The following PALLD variants were observed in gnomAD, a reference collection of about 807,000 sequenced individuals.
The protein encoded by PALLD is palladin.
Under a neutral mutation model 123.5 loss-of-function variants are expected in PALLD, and 61 were observed. That is an observed-to-expected ratio of 0.49 (90% CI 0.40 to 0.61). The LOEUF (loss-of-function observed/expected upper bound fraction) is 0.61, where lower values mean the gene tolerates loss of function less well. PALLD is among the 20% of genes least tolerant of loss of function. The pLI is 0.00. For synonymous variants in PALLD, 465 were observed against 496.4 expected, an observed-to-expected ratio of 0.94 and a Z score of 0.84; for missense variants, 1,273 against 1,377.0, an observed-to-expected ratio of 0.92 and a Z score of 1.20.
At chr4:168,564,964 G>A (rs1768221391) in intron 2 of PALLD, among the ~76,000 whole-genome samples, 2 of 151,478 alleles carry the variant, frequency 1.3e-5, no homozygotes, top group Admixed American at 1.3e-4. Context: ...GGCCAAGGCA[G>A]GCAGGTTGCT....
At position 168,618,936 on chromosome 4, in the gene PALLD, A is replaced by C. The variant is rs117607722; in HGVS notation, c.909-49254A>C. 6.2e-3 allele frequency among the ~76,000 whole-genome samples: 937 copies of C among 152,318 alleles called. 45 individuals are homozygous for C. In the South Asian group the frequency reaches 0.11, roughly 18 times the overall value. ...CTCTGTAACACTTTCAGGCTTCTAGAAGGCAGTGATAATTTCTATCACACT... is the reference window on the plus strand; with the variant it reads ...CTCTGTAACACTTTCAGGCTTCTAGCAGGCAGTGATAATTTCTATCACACT... On this transcript the variant is annotated intron_variant, in intron 2 of 21. Transcript: ENST00000505667.
At chr4:168,682,069 C>T (rs996233901) in intron 4 of PALLD, among the ~76,000 whole-genome samples, 5 of 152,066 alleles carry the variant, frequency 3.3e-5, no homozygotes, top group Non-Finnish European at 7.4e-5. Flanking sequence ...TCTAATTAGG[C>T]CAGAAGTAGG....
intron 10 of PALLD, among the ~76,000 whole-genome samples, chr4:168,859,560 A>G (rs1409592569): frequency 6.6e-6 from 1 of 152,340 alleles, no homozygotes; most frequent in African/African-American, 2.4e-5. Context: ...AAAAAATTGG[A>G]GGACAACTTT....
At chr4:168,688,177 A>G (rs1424312103) in intron 6 of PALLD, among the ~76,000 whole-genome samples, 1 of 152,210 alleles carries the variant, frequency 6.6e-6, no homozygotes, top group Non-Finnish European at 1.5e-5. Context: ...AACTCAAACT[A>G]GCCTTTACTT....
intron 2 of PALLD, among the ~76,000 whole-genome samples, chr4:168,617,813 T>C (rs1774376787): frequency 6.6e-6 from 1 of 152,220 alleles, no homozygotes; most frequent in South Asian, 2.1e-4. Flanking sequence ...GCAAATATTA[T>C]GATGGTTATT....
At chr4:168,683,214 T>G in intron 5 of PALLD, 111 bp downstream of exon 5, 2 of 616,592 alleles carry the variant, frequency 3.2e-6, no homozygotes, top group Non-Finnish European at 5.8e-6. Flanking sequence ...AAATATTTTC[T>G]AAGTGGACAC....
At chr4:168,924,543 GA>G in intron 19 of PALLD, 123 bp downstream of exon 19, 1 of 1,012,322 alleles carries the variant, frequency 9.9e-7, no homozygotes, top group East Asian at 2.5e-5. Context: ...GATTTTTGAT[GA>G]AATCAATCAA....
chr4:168,737,732 C>T (rs750064702), intron 10 of PALLD, among the ~76,000 whole-genome samples: 5 of 152,088 alleles, frequency 3.3e-5, no homozygotes, highest in Non-Finnish European at 5.9e-5. Flanking sequence ...CTATGGTGAC[C>T]GTCTGTTAGT....
At chr4:168,754,132 T>C (rs932740644) in intron 10 of PALLD, among the ~76,000 whole-genome samples, 1 of 152,214 alleles carries the variant, frequency 6.6e-6, no homozygotes, top group Non-Finnish European at 1.5e-5. Context: ...CTTGTAGAAT[T>C]TGAAGAAGGT....
chr4:168,908,047 G>A (rs1388157952), intron 15 of PALLD, among the ~76,000 whole-genome samples: 2 of 152,200 alleles, frequency 1.3e-5, no homozygotes, highest in African/African-American at 2.4e-5. Context: ...GTGTGTAAAT[G>A]TATATATCCC....
intron 10 of PALLD, among the ~76,000 whole-genome samples, chr4:168,834,718 CAG>C (rs975114589): frequency 3.9e-5 from 6 of 152,070 alleles, no homozygotes; most frequent in African/African-American, 1.5e-4. Context: ...GCCTGGGTGT[CAG>C]AGCGAGACTC....
At chr4:168,742,050 TC>T (rs1230575608) in intron 10 of PALLD, among the ~76,000 whole-genome samples, 1 of 152,226 alleles carries the variant, frequency 6.6e-6, no homozygotes, top group East Asian at 1.9e-4. Context: ...AGCTGGCAGA[TC>T]CACCACCTGT....
chr4:168,561,757 C>A (rs1767890866), intron 2 of PALLD, among the ~76,000 whole-genome samples: 1 of 152,068 alleles, frequency 6.6e-6, no homozygotes, highest in Admixed American at 6.6e-5. Flanking sequence ...CTTAGCTTTA[C>A]TTGAAGTAGA....
chr4:168,597,856 A>C (rs1772149925), intron 2 of PALLD, among the ~76,000 whole-genome samples: 1 of 152,118 alleles, frequency 6.6e-6, no homozygotes, highest in African/African-American at 2.4e-5. Flanking sequence ...ATTTCAATTG[A>C]TGGCACTTCT....
At chr4:168,747,372 T>C (rs1730464923) in intron 10 of PALLD, among the ~76,000 whole-genome samples, 1 of 152,206 alleles carries the variant, frequency 6.6e-6, no homozygotes, top group Non-Finnish European at 1.5e-5. Context: ...TGCCCAGCTC[T>C]CAGCAAAAGC....
intron 10 of PALLD, among the ~76,000 whole-genome samples, chr4:168,715,723 G>A (rs879939854): frequency 7.2e-5 from 11 of 152,138 alleles, no homozygotes; most frequent in Non-Finnish European, 1.5e-4. Context: ...GGCCAAGGTG[G>A]GCGGATCACG....
In PALLD at chr4:168,701,937, C is replaced by T. The variant is rs143304023; in HGVS notation, c.1502-7091C>T. On this transcript the variant is annotated intron_variant, in intron 8 of 21. Coordinates refer to ENST00000505667, the MANE Select transcript of PALLD (RefSeq NM_001166108.2). Reference sequence around the variant, plus strand: ...GCCTGAAGCCCACTACTCCAAACCTCGTAAGAAGGGGCTGTTAAGCATGTC... The same window carrying T: ...GCCTGAAGCCCACTACTCCAAACCTTGTAAGAAGGGGCTGTTAAGCATGTC... Among the ~76,000 whole-genome samples, 3 of 152,314 alleles carry T rather than the reference C, an allele frequency of 2.0e-5. No homozygotes were observed. In the East Asian group the frequency reaches 5.8e-4, roughly 29 times the overall value.
At chr4:168,536,831 C>CTTTTTT (rs11393140) in intron 2 of PALLD, among the ~76,000 whole-genome samples, 1 of 144,428 alleles carries the variant, frequency 6.9e-6, no homozygotes, top group African/African-American at 2.6e-5. Context: ...AAGGTTCTCT[C>CTTTTTT]TTTTTTTTTT....
intron 8 of PALLD, among the ~76,000 whole-genome samples, chr4:168,691,632 A>G (rs549987778): frequency 6.6e-6 from 1 of 152,336 alleles, no homozygotes; most frequent in African/African-American, 2.4e-5. Flanking sequence ...CCAGTAGAGA[A>G]GGACAATCTA....
Sources: gnomAD v4.1 joint callset for allele counts (sites outside exome capture counted in the v4.1 genomes callset) on GRCh38, gnomAD v4.1.1 for gene constraint, MANE v1.5 for transcripts, NCBI Gene and HGNC (gene_info 2026-07-23, HGNC 2026-07-21) for gene names.